Variants in DCTN4 observed in about 807,000 individuals in gnomAD.
DCTN4 encodes dynactin subunit 4.
A neutral mutation model predicts 62.7 loss-of-function variants in DCTN4; 23 were observed. That is an observed-to-expected ratio of 0.37 (90% CI 0.26 to 0.52). The LOEUF (loss-of-function observed/expected upper bound fraction) is 0.52. DCTN4 is among the 20% of genes least tolerant of loss of function. DCTN4 has a pLI of 0.92. For missense variants in DCTN4, 514 were observed against 580.4 expected (o/e 0.89, Z 1.18); for synonymous variants, 199 against 202.1 (o/e 0.98, Z 0.13).
At chr5:150,756,057 T>C (rs908072972) in intron 2 of DCTN4, among the ~76,000 whole-genome samples, 3 of 151,512 alleles carry the variant, frequency 2.0e-5, no homozygotes, top group African/African-American at 7.3e-5. Context: ...TTTTTTTTTT[T>C]TTGAGACAAA....
At chr5:150,728,149 A>G (rs1561695604) in intron 8 of DCTN4, among the ~76,000 whole-genome samples, 1 of 152,220 alleles carries the variant, frequency 6.6e-6, no homozygotes, top group Non-Finnish European at 1.5e-5. Context: ...TACTAAATGG[A>G]AATAAAGTGT....
intron 7 of DCTN4, 21 bp downstream of exon 7, chr5:150,731,023 T>C: frequency 7.1e-7 from 1 of 1,406,406 alleles, no homozygotes; most frequent in Non-Finnish European, 1.0e-6. Context: ...AGAAACAAAG[T>C]AGAAAAACAC....
At chr5:150,752,889 C>G (rs2113148307) in intron 3 of DCTN4, among the ~76,000 whole-genome samples, 1 of 149,952 alleles carries the variant, frequency 6.7e-6, no homozygotes, top group African/African-American at 2.5e-5. Context: ...TTTTTTGAGA[C>G]AGAGTCTTGC....
At chr5:150,741,164 CAAAA>C (rs754641920) in intron 4 of DCTN4, among the ~76,000 whole-genome samples, 2 of 58,350 alleles carry the variant, frequency 3.4e-5, no homozygotes, top group Non-Finnish European at 3.8e-5. Context: ...GATCCTGTCT[CAAAA>C]AAAAAAAAAA....
intron 3 of DCTN4, among the ~76,000 whole-genome samples, chr5:150,752,706 T>C (rs1243841264): frequency 2.0e-5 from 3 of 152,170 alleles, no homozygotes; most frequent in African/African-American, 7.2e-5. Flanking sequence ...TCATTGACCA[T>C]TTTTATTTCT....
intron 3 of DCTN4, among the ~76,000 whole-genome samples, chr5:150,752,066 A>G (rs889198766): frequency 2.6e-5 from 4 of 152,186 alleles, no homozygotes; most frequent in Non-Finnish European, 5.9e-5. Context: ...ACAAGTTTAA[A>G]ATGTTTTTAG....
intron 3 of DCTN4, among the ~76,000 whole-genome samples, chr5:150,745,246 C>T (rs1462238523): frequency 3.3e-5 from 5 of 150,240 alleles, no homozygotes; most frequent in African/African-American, 7.5e-5. Context: ...GCTAACTATC[C>T]TAAATATATA....
chr5:150,723,325 T>C (rs889372498), intron 8 of DCTN4, among the ~76,000 whole-genome samples: 10 of 152,230 alleles, frequency 6.6e-5, no homozygotes, highest in Non-Finnish European at 1.5e-4. Flanking sequence ...GTATAGGTAT[T>C]ACATTAAGGT....
At chr5:150,750,474 T>C (rs1752633586) in intron 3 of DCTN4, among the ~76,000 whole-genome samples, 1 of 152,178 alleles carries the variant, frequency 6.6e-6, no homozygotes, top group South Asian at 2.1e-4. Context: ...GAAAAGTCCT[T>C]ACACTTGTGC....
At chr5:150,723,674 A>G (rs1270674450) in intron 8 of DCTN4, among the ~76,000 whole-genome samples, 2 of 152,342 alleles carry the variant, frequency 1.3e-5, no homozygotes, top group East Asian at 1.9e-4. Context: ...CATACTACAT[A>G]TACCTGGTTA....
Position 150,709,704 on chromosome 5 carries a change from T to G in DCTN4, c.*1445A>C, listed in dbSNP as rs1435455108. On this transcript the variant is annotated 3_prime_UTR_variant, in exon 13 of 13. Transcript: ENST00000447998. ...CTTTTAGAGTACAATTTAGTGTCTTTTAAAAGCTTCCTAAATATTTAAAAC... is the reference window on the plus strand; with the variant it reads ...CTTTTAGAGTACAATTTAGTGTCTTGTAAAAGCTTCCTAAATATTTAAAAC... 6.6e-6 allele frequency: 1 copy of G among 152,374 alleles called. No homozygotes were observed. Among genetic ancestry groups the G allele is most frequent in the African/African-American group, 2.4e-5 (1 of 41,468 alleles). 9.4% of individuals were successfully genotyped at this position (152,374 alleles called of 1,614,324 possible).
In DCTN4 at chr5:150,711,231, G is replaced by C; in HGVS notation, c.1301C>G (p.Pro434Arg). ...DFKNLAAPIRPIEESDQGTEV... is the reference protein window; with the variant it reads ...DFKNLAAPIRRIEESDQGTEV... ...TGTTCCCTGGTCACTTTCTTCAATG[G>C]GGCGAATGGGGGCTGCCAGGTTTTT... Residue 434 changes from proline (P) to arginine (R), a missense_variant, in exon 13 of 13, where the codon CCC becomes CGC. Physicochemically the swap from Pro to Arg is moderately radical, Grantham distance 103. Transcript: ENST00000447998. The C allele has an allele frequency of 1.2e-6, 2 of 1,612,970 alleles. No homozygotes were observed. Among genetic ancestry groups the C allele is most frequent in the South Asian group, 2.2e-5 (2 of 91,006 alleles).
In DCTN4 at chr5:150,739,900, C is replaced by T. The variant is rs1403477245; in HGVS notation, c.429+2214G>A. Reference sequence around the variant, plus strand: ...ATGTAGAAGAATGAAACTGGATCCTCATCTCTCACCTTATACAAAAATCAA... The same window carrying T: ...ATGTAGAAGAATGAAACTGGATCCTTATCTCTCACCTTATACAAAAATCAA... On this transcript the variant is annotated intron_variant, in intron 4 of 12. Transcript: ENST00000447998. Among the ~76,000 whole-genome samples the T allele has an allele frequency of 3.3e-5, 5 of 152,086 alleles. No individual in the cohort carries two copies. The East Asian group carries it at 9.6e-4, about 29-fold the overall frequency.
intron 11 of DCTN4, among the ~76,000 whole-genome samples, chr5:150,715,884 T>C (rs1759740335): frequency 6.6e-6 from 1 of 151,986 alleles, no homozygotes; most frequent in Non-Finnish European, 1.5e-5. Context: ...GGGGCTTCAA[T>C]TGTGTCTTTA....
chr5:150,758,654 G>A, intron 1 of DCTN4: 2 of 1,262,294 alleles, frequency 1.6e-6, no homozygotes, highest in Non-Finnish European at 1.1e-6. Context: ...TCTAGAACCA[G>A]AAGATCCGCT....
At position 150,747,459 on chromosome 5, in the gene DCTN4, T is replaced by C. The variant is rs894459574; in HGVS notation, c.386-5302A>G. Reference sequence around the variant, plus strand: ...AACTACTTTAAAGTTCATATGGAACTAAAAAAGAGCCCGCATTGCCAAGTC... The same window carrying C: ...AACTACTTTAAAGTTCATATGGAACCAAAAAAGAGCCCGCATTGCCAAGTC... On this transcript the variant is annotated intron_variant, in intron 3 of 12. Coordinates refer to ENST00000447998, the MANE Select transcript of DCTN4 (RefSeq NM_016221.4). 7.1e-4 allele frequency among the ~76,000 whole-genome samples: 108 copies of C among 152,046 alleles called. 1 individual carries two copies. Among genetic ancestry groups the C allele is most frequent in the African/African-American group, 2.2e-3 (91 of 41,470 alleles).
At position 150,718,402 on chromosome 5, in the gene DCTN4, A is replaced by C; in HGVS notation, c.964-19T>G. 6.4e-7 allele frequency: 1 copy of C among 1,572,908 alleles called. No homozygotes were observed. Among genetic ancestry groups the C allele is most frequent in the Non-Finnish European group, 8.7e-7 (1 of 1,144,214 alleles). On this transcript the variant is annotated intron_variant, in intron 10 of 12. Coordinates refer to ENST00000447998, the MANE Select transcript of DCTN4 (RefSeq NM_016221.4). The stretch of plus-strand genomic sequence containing the variant: ...GGCTCTCCTGGTGAATAGGAAACAC[A>C]TCTCTCAGACATTCGCCACTTTCTT...
At chr5:150,727,586 C>T in intron 8 of DCTN4, among the ~76,000 whole-genome samples, 1 of 151,704 alleles carries the variant, frequency 6.6e-6, no homozygotes, top group Non-Finnish European at 1.5e-5. Flanking sequence ...ACCATCCCGG[C>T]TAAAACGGTG....
chr5:150,745,621 C>A (rs1037007810), intron 3 of DCTN4, among the ~76,000 whole-genome samples: 6 of 152,120 alleles, frequency 3.9e-5, no homozygotes, highest in African/African-American at 1.4e-4. Context: ...CAAACTAGAA[C>A]TCAGGATTAA....
Sources: allele counts gnomAD v4.1 joint callset (sites outside exome capture counted in the v4.1 genomes callset), GRCh38; gene constraint gnomAD v4.1.1; transcripts MANE v1.5; gene names NCBI Gene and HGNC (gene_info 2026-07-23, HGNC 2026-07-21).